SYNE1: variants seen among roughly 807,000 people sequenced by gnomAD.
SYNE1 encodes spectrin repeat containing nuclear envelope protein 1, also known as nesprin-1.
Under a neutral mutation model 1,111.0 loss-of-function variants are expected in SYNE1, and 616 were observed. That is an observed-to-expected ratio of 0.55 (90% CI 0.52 to 0.59). The LOEUF (loss-of-function observed/expected upper bound fraction) is 0.59. Ranked by LOEUF, SYNE1 falls within the 20% of genes least tolerant of loss-of-function variation. The probability of loss-of-function intolerance (pLI) is 0.00; values close to 1 mark genes in which losing one functional copy is unlikely to be tolerated. For missense variants in SYNE1, 10,006 were observed against 10,417.0 expected (o/e 0.96, Z 1.72); for synonymous variants, 3,855 against 3,825.8 (o/e 1.01, Z -0.28).
chr6:152,221,238 T>G (rs572375975), intron 118 of SYNE1, among the ~76,000 whole-genome samples, 188 bp downstream of exon 118: 1 of 152,352 alleles, frequency 6.6e-6, no homozygotes, highest in Admixed American at 6.5e-5. Flanking sequence ...TCTTTGGGTG[T>G]ACAGTACTTC....
intron 95 of SYNE1, among the ~76,000 whole-genome samples, chr6:152,290,141 T>C (rs1294670034): frequency 2.0e-5 from 3 of 152,294 alleles, no homozygotes; most frequent in African/African-American, 7.2e-5. Flanking sequence ...GAGCTTTGTG[T>C]GGCAACACAT....
intron 4 of SYNE1, among the ~76,000 whole-genome samples, chr6:152,531,475 GTTTAACTT>G (rs2099201301): frequency 6.6e-6 from 1 of 152,144 alleles, no homozygotes; most frequent in Non-Finnish European, 1.5e-5. Flanking sequence ...TTTGAATGTA[GTTTAACTT>G]TTTAATTTTT....
intron 130 of SYNE1, among the ~76,000 whole-genome samples, chr6:152,166,976 C>T (rs2063792414): frequency 6.6e-6 from 1 of 152,094 alleles, no homozygotes; most frequent in Non-Finnish European, 1.5e-5. Context: ...TGAAGCGTCA[C>T]AGTATTTTTA....
chr6:152,229,689 C>A (rs2082321836), intron 115 of SYNE1, among the ~76,000 whole-genome samples: 1 of 152,058 alleles, frequency 6.6e-6, no homozygotes, highest in Non-Finnish European at 1.5e-5. Flanking sequence ...TAGGCCAATC[C>A]TGAACATGGC....
chr6:152,292,119 G>A (rs905529791), intron 95 of SYNE1, among the ~76,000 whole-genome samples: 3 of 152,166 alleles, frequency 2.0e-5, no homozygotes, highest in African/African-American at 7.2e-5. Flanking sequence ...AGAGGTGGCC[G>A]CTGGCAACAG....
intron 32 of SYNE1, among the ~76,000 whole-genome samples, chr6:152,437,820 A>G (rs2098487537): frequency 6.6e-6 from 1 of 152,214 alleles, no homozygotes; most frequent in South Asian, 2.1e-4. Flanking sequence ...TTCCAAAGTC[A>G]GCTTTTCAGT....
At chr6:152,369,209 AT>A (rs1302861574) in intron 60 of SYNE1, 82 bp from the exon 61 acceptor site, 20 of 1,564,944 alleles carry the variant, frequency 1.3e-5, no homozygotes, top group Admixed American at 1.8e-5. Flanking sequence ...GAACATGGAA[AT>A]CAACACTGGC....
At chr6:152,264,080 A>C (rs1373144365) in intron 100 of SYNE1, among the ~76,000 whole-genome samples, 1 of 151,450 alleles carries the variant, frequency 6.6e-6, no homozygotes, top group Admixed American at 6.6e-5. Flanking sequence ...ATGGTGGCGC[A>C]CACCTGTTGT....
rs754826492 is a variant in SYNE1 at position 152,456,064 on chromosome 6, C to T, written c.2569-20G>A. 1.2e-6 allele frequency: 2 copies of T among 1,609,498 alleles called. No individual in the cohort carries two copies. Among genetic ancestry groups the T allele is most frequent in the Non-Finnish European group, 1.7e-6 (2 of 1,179,182 alleles). On this transcript the variant is annotated intron_variant, in intron 22 of 145. Coordinates refer to ENST00000367255, the MANE Select transcript of SYNE1 (RefSeq NM_182961.4). ...CAGTTCCTATAACGAAATGAAACCC[C>T]ACAACAATGTTATTTACAAGACAGA...
chr6:152,329,776 A>G lies in SYNE1; in HGVS notation c.14909T>C (p.Leu4970Pro). 1 of 1,614,150 alleles carries G rather than the reference A, an allele frequency of 6.2e-7. No individual in the cohort carries two copies. Among genetic ancestry groups the G allele is most frequent in the South Asian group, 1.1e-5 (1 of 91,078 alleles). ...CTGGATGTCTCCATCCAGCTCTGAGAGCTCAGCGAGGCTGTGTTCTAAATC... is the reference window on the plus strand; with the variant it reads ...CTGGATGTCTCCATCCAGCTCTGAGGGCTCAGCGAGGCTGTGTTCTAAATC... ...SADLEHSLAE[L>P]SELDGDIQEA... Residue 4970 changes from leucine (L) to proline (P), a missense_variant, in exon 78 of 146, where the codon CTC (leucine) becomes CCC (proline). By Grantham distance (98) the Leu-to-Pro change is moderately conservative. Around this residue, in one of 7 missense-constraint regions of SYNE1, gnomAD observed 4,955 missense variants for 5,017.2 expected, o/e 0.99. Transcript: ENST00000367255.
At chr6:152,474,019 A>G (rs2098821518) in intron 14 of SYNE1, among the ~76,000 whole-genome samples, 1 of 152,076 alleles carries the variant, frequency 6.6e-6, no homozygotes, top group South Asian at 2.1e-4. Flanking sequence ...CCCCGTCTCT[A>G]CTAAAGATAC....
At chr6:152,363,483 G>C (rs1461962493) in intron 63 of SYNE1, among the ~76,000 whole-genome samples, 2 of 150,022 alleles carry the variant, frequency 1.3e-5, no homozygotes, top group Non-Finnish European at 3.0e-5. Flanking sequence ...GACAGAGCAA[G>C]ACTCCGTCTC....
rs1333550441 is a variant in SYNE1 at position 152,395,593 on chromosome 6, C to G, written c.7635G>C (p.Glu2545Asp). ...EERFNTENLG[E>D]SKQHIPEKKN... ...TCTTCTCAGGAATGTGCTGTTTACT[C>G]TCTCCCAAGTTTTCCGTATTGAACC... is the stretch of plus-strand genomic sequence containing the variant. The change falls in exon 51 of 146, where the codon GAG becomes GAC. Residue 2545 changes from glutamate (E) to aspartate (D), a missense_variant. Physicochemically the swap from Glu to Asp is conservative, Grantham distance 45 (BLOSUM62 2). Around this residue, in one of 7 missense-constraint regions of SYNE1, gnomAD observed 4,955 missense variants for 5,017.2 expected, o/e 0.99. Transcript: ENST00000367255. The G allele has an allele frequency of 1.2e-6, 2 of 1,614,060 alleles. No homozygotes were observed. Among genetic ancestry groups the G allele is most frequent in the Admixed American group, 3.3e-5 (2 of 60,010 alleles).
chr6:152,505,349 C>G lies in SYNE1; in HGVS notation c.630G>C (p.Gly210=), dbSNP rs2099051990. The G allele has an allele frequency of 6.2e-7, 1 of 1,613,952 alleles. No homozygotes were observed. Among genetic ancestry groups the G allele is most frequent in the South Asian group, 1.1e-5 (1 of 91,070 alleles). ...CATGAATAACTGAATGAAAGGCAAC[C>G]CCGCTTCTCCAACTCTTCCCAAAAT... The part of the protein sequence containing the change: ...VKDFGKSWRS[G]VAFHSVIHAI... Residue 210 remains glycine (G), a synonymous_variant, in exon 9 of 146, where the codon GGG becomes GGC. Transcript: ENST00000367255.
chr6:152,332,946 A>G (rs1407365558), intron 77 of SYNE1, among the ~76,000 whole-genome samples: 1 of 152,172 alleles, frequency 6.6e-6, no homozygotes, highest in Non-Finnish European at 1.5e-5. Context: ...GTGAGCCAGA[A>G]ATATGAGTTG....
chr6:152,241,385 T>C (rs1277867480), intron 107 of SYNE1, among the ~76,000 whole-genome samples: 1 of 152,170 alleles, frequency 6.6e-6, no homozygotes, highest in African/African-American at 2.4e-5. Context: ...GATTTTAAAC[T>C]TCTATAACCC....
chr6:152,494,745 T>C (rs977002595), intron 11 of SYNE1, among the ~76,000 whole-genome samples: 9 of 152,198 alleles, frequency 5.9e-5, no homozygotes, highest in African/African-American at 2.2e-4. Context: ...GACTCTTTAA[T>C]AAAAACTCTT....
chr6:152,135,006 A>G, intron 142 of SYNE1, 98 bp downstream of exon 142: 2 of 1,567,624 alleles, frequency 1.3e-6, no homozygotes, highest in Non-Finnish European at 1.7e-6. Flanking sequence ...AAAAGTTAAA[A>G]AAAAAGAAAC....
chr6:152,548,204 T>A (rs544322321), intron 3 of SYNE1, among the ~76,000 whole-genome samples: 14 of 152,264 alleles, frequency 9.2e-5, no homozygotes, highest in Middle Eastern at 3.4e-3. Flanking sequence ...CAGACAAGTT[T>A]TTAGGAAGCC....
Sources: allele counts gnomAD v4.1 joint callset (sites outside exome capture counted in the v4.1 genomes callset), GRCh38; gene constraint gnomAD v4.1.1; regional missense constraint gnomAD v4.1.1; transcripts MANE v1.5; gene names NCBI Gene and HGNC (gene_info 2026-07-23, HGNC 2026-07-21).